Variants in SGMS2 observed in about 807,000 individuals in gnomAD.
SGMS2 encodes the protein phosphatidylcholine:ceramide cholinephosphotransferase 2.
Under a neutral mutation model 43.8 loss-of-function variants are expected in SGMS2, and 21 were observed. That is an observed-to-expected ratio of 0.48 (90% CI 0.34 to 0.69). The LOEUF is 0.69. Ranked by LOEUF, SGMS2 falls within the 30% of genes least tolerant of loss-of-function variation. The probability of loss-of-function intolerance (pLI) is 0.01; values close to 1 mark genes in which losing one functional copy is unlikely to be tolerated. For synonymous variants in SGMS2, 167 were observed against 160.6 expected, an observed-to-expected ratio of 1.04 and a Z score of -0.30; for missense variants, 384 against 443.2, an observed-to-expected ratio of 0.87 and a Z score of 1.20.
chr4:107,842,158 AG>A (rs1215201271), intron 1 of SGMS2, among the ~76,000 whole-genome samples: 12 of 152,224 alleles, frequency 7.9e-5, no homozygotes, highest in Admixed American at 7.9e-4. Flanking sequence ...CTGTGTGTTA[AG>A]GTGTGTAGTA....
At chr4:107,886,593 A>T (rs1297585513) in intron 2 of SGMS2, 1 of 151,982 alleles carries the variant, frequency 6.6e-6, no homozygotes, top group East Asian at 1.9e-4. Context: ...GAATTGGGTG[A>T]TTCTCTCCTC....
intron 2 of SGMS2, among the ~76,000 whole-genome samples, chr4:107,869,824 A>G (rs1277955166): frequency 6.6e-6 from 1 of 152,122 alleles, no homozygotes; most frequent in African/African-American, 2.4e-5. Flanking sequence ...TTCTACTTTC[A>G]TTATGTTTGA....
intron 1 of SGMS2, among the ~76,000 whole-genome samples, chr4:107,838,470 A>T (rs557385983): frequency 0.04 from 6,127 of 152,114 alleles, 414 homozygotes; most frequent in African/African-American, 0.14. Context: ...ATATTAAAAT[A>T]TTTTGAAATA....
At chr4:107,844,227 G>A (rs1485017828) in intron 1 of SGMS2, among the ~76,000 whole-genome samples, 1 of 152,000 alleles carries the variant, frequency 6.6e-6, no homozygotes, top group East Asian at 1.9e-4. Flanking sequence ...GGGAGGCTGA[G>A]GCAGGAGAAT....
chr4:107,894,253 G>C (rs1363988250), intron 2 of SGMS2: 2 of 152,238 alleles, frequency 1.3e-5, no homozygotes, highest in South Asian at 4.1e-4. Context: ...AAGTTGAGCA[G>C]TGTATCCAGG....
Position 107,880,107 on chromosome 4 carries a change from T to C in SGMS2, c.-244-15203T>C, listed in dbSNP as rs1729229593. On this transcript the variant is annotated intron_variant, in intron 2 of 6. Transcript: ENST00000690982. Reference sequence around the variant, plus strand: ...AAAATATCTGCCCTCTACCCAAGCATATCTCCCCTGAAGTTCAGAAGTACA... The same window carrying C: ...AAAATATCTGCCCTCTACCCAAGCACATCTCCCCTGAAGTTCAGAAGTACA... Among the ~76,000 whole-genome samples, 3 of 152,150 alleles carry C rather than the reference T, an allele frequency of 2.0e-5. No individual in the cohort carries two copies. The South Asian group carries it at 6.2e-4, about 31-fold the overall frequency.
At chr4:107,898,109 GT>G (rs1242913386) in intron 3 of SGMS2, among the ~76,000 whole-genome samples, 2 of 152,132 alleles carry the variant, frequency 1.3e-5, no homozygotes, top group Non-Finnish European at 2.9e-5. Context: ...GGCTAAATTG[GT>G]TTTCCCTTAA....
At chr4:107,888,512 A>G (rs1284322226) in intron 2 of SGMS2, among the ~76,000 whole-genome samples, 1 of 152,144 alleles carries the variant, frequency 6.6e-6, no homozygotes. Flanking sequence ...ACAACCAGTC[A>G]TTCTACTCTA....
chr4:107,863,698 T>C (rs1305393538), intron 2 of SGMS2: 2 of 152,168 alleles, frequency 1.3e-5, no homozygotes, highest in Non-Finnish European at 2.9e-5. Context: ...AAGCTAGATA[T>C]GGGTTTTTGC....
At chr4:107,884,955 T>C (rs1729632144) in intron 2 of SGMS2, among the ~76,000 whole-genome samples, 1 of 152,200 alleles carries the variant, frequency 6.6e-6, no homozygotes, top group South Asian at 2.1e-4. Flanking sequence ...GTTCACACTA[T>C]AGTTATCCTT....
In SGMS2 at chr4:107,915,029, A is replaced by G. The variant is rs1732367381; in HGVS notation, c.*4476A>G. 1 of 152,232 alleles carries G rather than the reference A, an allele frequency of 6.6e-6. No homozygotes were observed. Among genetic ancestry groups the G allele is most frequent in the Admixed American group, 6.5e-5 (1 of 15,282 alleles). The allele number at this position is 152,232 out of a possible 1,614,324, so 9.4% of individuals were successfully genotyped here. ...TACCTAATAAACCACAGTGACATCA[A>G]CAGTCTTTTCAAAATTAATATTACT... On this transcript the variant is annotated 3_prime_UTR_variant, in exon 7 of 7. Coordinates refer to ENST00000690982, the MANE Select transcript of SGMS2 (RefSeq NM_001375905.1).
rs1732213830 is a variant in SGMS2 at position 107,912,868 on chromosome 4, GTCGTA to G, written c.*2317_*2321del. 1.3e-5 allele frequency: 2 copies of G among 152,006 alleles called. No homozygotes were observed. Among genetic ancestry groups the G allele is most frequent in the Non-Finnish European group, 1.5e-5 (1 of 68,012 alleles). 9.4% of individuals were successfully genotyped at this position (152,006 alleles called of 1,614,324 possible). A position where few individuals can be genotyped will look rare whatever the true frequency, so the allele number is the denominator to read the frequency against. On this transcript the variant is annotated 3_prime_UTR_variant, in exon 7 of 7. Transcript: ENST00000690982. ...CGCTGCCATGTCTTTACACGCATGTGTCGTATAGCTCTGTCATCGAGTTGAGGAAG... is the reference window on the plus strand; with the variant it reads ...CGCTGCCATGTCTTTACACGCATGTGTAGCTCTGTCATCGAGTTGAGGAAG...
At chr4:107,859,344 A>G (rs1393042606) in intron 2 of SGMS2, among the ~76,000 whole-genome samples, 1 of 152,144 alleles carries the variant, frequency 6.6e-6, no homozygotes, top group African/African-American at 2.4e-5. Flanking sequence ...CACCAGGACC[A>G]TGTAATCCCA....
chr4:107,874,298 CA>C (rs1451226527), intron 2 of SGMS2, among the ~76,000 whole-genome samples: 1 of 152,130 alleles, frequency 6.6e-6, no homozygotes, highest in Middle Eastern at 3.2e-3. Flanking sequence ...CAACAAAAGA[CA>C]CATTTGTTTA....
At position 107,899,558 on chromosome 4, in the gene SGMS2, C is replaced by G. The variant is rs1400889573; in HGVS notation, c.456-17C>G. 1.3e-6 allele frequency: 2 copies of G among 1,573,106 alleles called. No homozygotes were observed. The highest frequency in any genetic ancestry group is 1.7e-6 in the Non-Finnish European group (2 of 1,153,368). On this transcript the variant is annotated splice_polypyrimidine_tract_variant and intron_variant, in intron 3 of 6. Coordinates refer to ENST00000690982, the MANE Select transcript of SGMS2 (RefSeq NM_001375905.1). The stretch of plus-strand genomic sequence containing the variant: ...ACCAGTAAACTTGTTTTTCCCCATC[C>G]CTATTTTTTCTTTTAGGTCAATAGT...
intron 3 of SGMS2, 102 bp from the exon 4 acceptor site, chr4:107,899,473 T>C: frequency 1.2e-6 from 1 of 800,956 alleles, no homozygotes. Context: ...AATGCCATTC[T>C]GTACTGATTA....
intron 2 of SGMS2, among the ~76,000 whole-genome samples, chr4:107,882,180 C>A (rs1349701375): frequency 6.6e-6 from 1 of 152,152 alleles, no homozygotes; most frequent in Non-Finnish European, 1.5e-5. Flanking sequence ...TCTGAGGAAC[C>A]TCCATACTGT....
intron 2 of SGMS2, among the ~76,000 whole-genome samples, chr4:107,877,223 C>G (rs1395076163): frequency 6.6e-6 from 1 of 152,098 alleles, no homozygotes; most frequent in Non-Finnish European, 1.5e-5. Flanking sequence ...CAGGAAGATT[C>G]CTTGAGCCTA....
At chr4:107,897,401 G>C (rs768203990) in intron 3 of SGMS2, among the ~76,000 whole-genome samples, 9 of 152,164 alleles carry the variant, frequency 5.9e-5, no homozygotes, top group Admixed American at 1.3e-4. Flanking sequence ...ATGAACTTCA[G>C]TGTTTTTCTC....
Sources: allele counts gnomAD v4.1 joint callset (sites outside exome capture counted in the v4.1 genomes callset), GRCh38; gene constraint gnomAD v4.1.1; transcripts MANE v1.5; gene names NCBI Gene and HGNC (gene_info 2026-07-23, HGNC 2026-07-21).